Variants in DSCAM observed in about 807,000 individuals in gnomAD.
DSCAM encodes the protein cell adhesion molecule DSCAM.
A neutral mutation model predicts 217.7 loss-of-function variants in DSCAM; 47 were observed. The ratio of observed to expected loss-of-function variants is 0.22; its 90% CI spans 0.17 to 0.28. The LOEUF is 0.28. Ranked by LOEUF, DSCAM falls within the 10% of genes least tolerant of loss-of-function variation. The pLI is 1.00. For synonymous variants in DSCAM, 1,056 were observed against 1,015.3 expected, an observed-to-expected ratio of 1.04 and a Z score of -0.76; for missense variants, 2,080 against 2,618.3, an observed-to-expected ratio of 0.79 and a Z score of 4.49.
intron 10 of DSCAM, among the ~76,000 whole-genome samples, chr21:40,286,929 C>T (rs1379987984): frequency 2.7e-5 from 4 of 147,996 alleles, no homozygotes; most frequent in East Asian, 4.0e-4. Context: ...GTATGATCCA[C>T]GTTGTGATCT....
At chr21:40,354,673 C>T (rs2074671213) in intron 4 of DSCAM, among the ~76,000 whole-genome samples, 3 of 152,034 alleles carry the variant, frequency 2.0e-5, no homozygotes, top group Middle Eastern at 3.4e-3. Context: ...CACGGTGAAA[C>T]CCCGTCTCTA....
chr21:40,149,412 C>T (rs201238514), intron 16 of DSCAM, among the ~76,000 whole-genome samples: 1 of 89,834 alleles, frequency 1.1e-5, no homozygotes, highest in Admixed American at 1.3e-4. Flanking sequence ...CAACATCCAT[C>T]ACTCCATCAC....
intron 1 of DSCAM, among the ~76,000 whole-genome samples, chr21:40,780,443 A>ATATATCTATC: frequency 7.0e-6 from 1 of 143,548 alleles, no homozygotes; most frequent in South Asian, 2.3e-4. Flanking sequence ...ATATATATAT[A>ATATATCTATC]TATATCTCCT....
rs1453100956 is a variant in DSCAM, at chr21:40,097,951, AAAAAAAGAAAGAAAGAAAG to A, written c.3697-4096_3697-4078del. Among the ~76,000 whole-genome samples, 16 of 88,208 alleles carry A rather than the reference AAAAAAAGAAAGAAAGAAAG, an allele frequency of 1.8e-4. 2 individuals carry two copies. Among genetic ancestry groups the A allele is most frequent in the Non-Finnish European group, 3.3e-4 (15 of 45,734 alleles). The allele number at this position is 88,208 out of a possible 152,430, so 57.9% of individuals were successfully genotyped here. ...GTGAGACTCTGTCTCAAAAAAAAAA[AAAAAAAGAAAGAAAGAAAG>A]AAAGAAAGAAAGAAAGAAAGAAAGA... On this transcript the variant is annotated intron_variant, in intron 20 of 32. Transcript: ENST00000400454.
intron 3 of DSCAM, among the ~76,000 whole-genome samples, chr21:40,644,143 T>C (rs781601866): frequency 1.3e-5 from 2 of 152,174 alleles, no homozygotes; most frequent in African/African-American, 2.4e-5. Flanking sequence ...ATTTCACAGC[T>C]TGGCAGAGTG....
intron 3 of DSCAM, among the ~76,000 whole-genome samples, chr21:40,406,852 C>T (rs1281364540): frequency 5.3e-5 from 8 of 152,044 alleles, no homozygotes; most frequent in Non-Finnish European, 1.2e-4. Context: ...CTCCTGACCT[C>T]GAGTGATCCA....
chr21:40,441,078 A>C (rs577146728), intron 3 of DSCAM, among the ~76,000 whole-genome samples: 105 of 139,844 alleles, frequency 7.5e-4, no homozygotes, highest in African/African-American at 2.7e-3. Flanking sequence ...GTGGACAAGA[A>C]ATGGTAAACC....
At chr21:40,242,112 A>C (rs2073160691) in intron 11 of DSCAM, among the ~76,000 whole-genome samples, 1 of 152,064 alleles carries the variant, frequency 6.6e-6, no homozygotes. Flanking sequence ...GTGTTTACCT[A>C]TGGAAGAAAC....
rs1342863781 is a variant in DSCAM, at chr21:40,124,241, C to T, written c.3650G>A (p.Gly1217Asp). 6.2e-7 allele frequency: 1 copy of T among 1,613,940 alleles called. No homozygotes were observed. The highest frequency in any genetic ancestry group is 2.2e-5 in the East Asian group (1 of 44,790). The stretch of plus-strand genomic sequence containing the variant: ...GAATACAGTGTACTTTCGGATGATG[C>T]CGTTCAGCTTGAGAGGGGGAAGCCA... ...VSWLPPLKLN[G>D]IIRKYTVFCS... Residue 1217 changes from glycine (G) to aspartate (D), a missense_variant, in exon 20 of 33, where the codon GGC becomes GAC. Around this residue, in one of 5 missense-constraint regions of DSCAM, gnomAD observed 1,144 missense variants for 1,421.1 expected, o/e 0.81. Coordinates refer to ENST00000400454, the MANE Select transcript of DSCAM (RefSeq NM_001389.5).
At chr21:40,774,961 TATG>T (rs1260692086) in intron 1 of DSCAM, among the ~76,000 whole-genome samples, 1 of 128,274 alleles carries the variant, frequency 7.8e-6, no homozygotes, top group African/African-American at 3.0e-5. Flanking sequence ...GCAAAATTAT[TATG>T]TAATAATTAT....
intron 3 of DSCAM, among the ~76,000 whole-genome samples, chr21:40,379,513 A>C (rs1291231413): frequency 6.6e-6 from 1 of 152,146 alleles, no homozygotes; most frequent in Admixed American, 6.6e-5. Flanking sequence ...TGGTCTTTGT[A>C]TTCCCTCCCC....
chr21:40,175,299 A>C (rs2090712613), intron 15 of DSCAM, among the ~76,000 whole-genome samples: 1 of 152,084 alleles, frequency 6.6e-6, no homozygotes, highest in South Asian at 2.1e-4. Context: ...TTTTTAGTAG[A>C]GACGGAGTTT....
intron 3 of DSCAM, among the ~76,000 whole-genome samples, chr21:40,444,103 T>A (rs2075655141): frequency 6.6e-6 from 1 of 152,216 alleles, no homozygotes. Flanking sequence ...TAATAGGGGC[T>A]ACTTTCCTTT....
intron 1 of DSCAM, among the ~76,000 whole-genome samples, chr21:40,765,319 C>G (rs35474219): frequency 6.6e-6 from 1 of 151,952 alleles, no homozygotes; most frequent in African/African-American, 2.4e-5. Flanking sequence ...CACTGCCTGG[C>G]CCAGCCCCTG....
chr21:40,312,724 C>T (rs73227037), intron 8 of DSCAM, among the ~76,000 whole-genome samples: 2,403 of 152,272 alleles, frequency 0.016, 24 homozygotes, highest in Non-Finnish European at 0.024. Flanking sequence ...AGGTTTCTTT[C>T]CTACTTTGCG....
intron 3 of DSCAM, among the ~76,000 whole-genome samples, chr21:40,691,520 T>C (rs766824134): frequency 5.3e-5 from 8 of 152,264 alleles, no homozygotes; most frequent in Non-Finnish European, 1.0e-4. Context: ...ACAACTAACA[T>C]GACCCCTAAG....
chr21:40,402,414 A>C (rs1286400744), intron 3 of DSCAM, among the ~76,000 whole-genome samples: 1 of 152,246 alleles, frequency 6.6e-6, no homozygotes. Flanking sequence ...TCCTAAGAAG[A>C]AGCTAAGCTA....
At chr21:40,061,586 G>GA (rs57330388) in intron 28 of DSCAM, among the ~76,000 whole-genome samples, 66,450 of 140,248 alleles carry the variant, frequency 0.47, 15,553 homozygotes, top group Middle Eastern at 0.59. Context: ...AAAAAAAAAA[G>GA]AAAAAGGAAA....
intron 10 of DSCAM, among the ~76,000 whole-genome samples, chr21:40,291,400 C>T (rs1470681565): frequency 2.0e-5 from 3 of 152,302 alleles, no homozygotes; most frequent in Non-Finnish European, 1.5e-5. Flanking sequence ...CTGAAGAGAC[C>T]GCATCACCAT....
Sources: allele counts gnomAD v4.1 joint callset (sites outside exome capture counted in the v4.1 genomes callset), GRCh38; gene constraint gnomAD v4.1.1; regional missense constraint gnomAD v4.1.1; transcripts MANE v1.5; gene names NCBI Gene and HGNC (gene_info 2026-07-23, HGNC 2026-07-21).